Variants in CHRM3 observed in about 807,000 individuals in gnomAD.
CHRM3 encodes muscarinic acetylcholine receptor M3.
A neutral mutation model predicts 41.8 loss-of-function variants in CHRM3; 11 were observed. The observed-to-expected ratio is 0.26, with a 90% CI of 0.17 to 0.44. The LOEUF (loss-of-function observed/expected upper bound fraction) is 0.44, where lower values mean the gene tolerates loss of function less well. Among genes scored for constraint, CHRM3 ranks in the 20% least tolerant of loss-of-function variants. CHRM3 has a pLI of 1.00. For synonymous variants in CHRM3, 297 were observed against 301.4 expected (o/e 0.99, Z 0.15); for missense variants, 571 against 745.4 (o/e 0.77, Z 2.72).
intron 1 of CHRM3, among the ~76,000 whole-genome samples, chr1:239,457,704 C>G (rs140516310): frequency 6.6e-6 from 1 of 152,144 alleles, no homozygotes; most frequent in African/African-American, 2.4e-5. Context: ...CTGAGGCCAA[C>G]ACACTCATGC....
intron 4 of CHRM3, 150 bp downstream of exon 4, chr1:239,632,436 G>A (rs1669956410): frequency 6.6e-6 from 1 of 152,106 alleles, no homozygotes; most frequent in Non-Finnish European, 1.5e-5. Context: ...TCAATTTTTT[G>A]TGTCTTAATA....
chr1:239,909,291 G>A lies in CHRM3; in HGVS notation c.*67G>A. ...ACCCACAGACCTTAGGAGGAGGAAG[G>A]CGAGGGCGGGGTGACTTCTGGTGAT... is the stretch of plus-strand genomic sequence containing the variant. On this transcript the variant is annotated 3_prime_UTR_variant, in exon 7 of 7. Transcript: ENST00000676153. The A allele has an allele frequency of 6.7e-7, 1 of 1,490,828 alleles. No individual in the cohort carries two copies. The highest frequency in any genetic ancestry group is 9.0e-7 in the Non-Finnish European group (1 of 1,110,146). The allele number at this position is 1,490,828 out of a possible 1,614,324, so 92.3% of individuals were successfully genotyped here.
chr1:239,897,122 C>T (rs1049843868), intron 6 of CHRM3, among the ~76,000 whole-genome samples: 1 of 152,062 alleles, frequency 6.6e-6, no homozygotes, highest in Non-Finnish European at 1.5e-5. Flanking sequence ...ACTTCCTGGC[C>T]CTGCATGCTA....
chr1:239,483,382 A>G (rs1326287487), intron 1 of CHRM3, among the ~76,000 whole-genome samples: 1 of 152,140 alleles, frequency 6.6e-6, no homozygotes, highest in Non-Finnish European at 1.5e-5. Flanking sequence ...TTGGATTCCC[A>G]GTTTTGGTTC....
At chr1:239,400,873 C>T (rs1659911313) in intron 1 of CHRM3, among the ~76,000 whole-genome samples, 1 of 152,026 alleles carries the variant, frequency 6.6e-6, no homozygotes. Context: ...TTGTTATTAT[C>T]TTTTTTATAT....
chr1:239,721,369 C>G (rs563832278), intron 5 of CHRM3, among the ~76,000 whole-genome samples: 6 of 151,834 alleles, frequency 4.0e-5, no homozygotes, highest in African/African-American at 1.4e-4. Context: ...AATCCCGGTA[C>G]TTCAGGATGG....
In CHRM3 at chr1:239,748,524, T is replaced by G. The variant is rs1466239459; in HGVS notation, c.-147+70236T>G. Among the ~76,000 whole-genome samples the G allele has an allele frequency of 6.6e-6, 1 of 152,232 alleles. No individual in the cohort carries two copies. The highest frequency in any genetic ancestry group is 2.4e-5 in the African/African-American group (1 of 41,466). The stretch of plus-strand genomic sequence containing the variant: ...ATGCAGTGTGTTTTAGTTAATGAAG[T>G]GTCTGGACAGCTGAGTCATAAATTC... On this transcript the variant is annotated intron_variant, in intron 5 of 6. Coordinates refer to ENST00000676153, the MANE Select transcript of CHRM3 (RefSeq NM_001375978.1). The surrounding 1 kb of genome is among the most constrained non-coding windows in gnomAD (Gnocchi z 4.3).
chr1:239,536,831 C>T (rs1054067775), intron 2 of CHRM3, among the ~76,000 whole-genome samples: 10 of 152,136 alleles, frequency 6.6e-5, no homozygotes, highest in African/African-American at 9.7e-5. Flanking sequence ...TCCTAGTGGA[C>T]GGCTTAGAAG....
At chr1:239,632,692 C>G (rs993843707) in intron 4 of CHRM3, among the ~76,000 whole-genome samples, 8 of 152,102 alleles carry the variant, frequency 5.3e-5, no homozygotes, top group Admixed American at 4.6e-4. Context: ...GAATGCTGTA[C>G]AAAATATGAT....
chr1:239,589,434 T>C (rs1663823161), intron 3 of CHRM3, among the ~76,000 whole-genome samples: 1 of 151,226 alleles, frequency 6.6e-6, no homozygotes, highest in South Asian at 2.1e-4. Context: ...AAATCACATA[T>C]TAGTGCATGG....
At chr1:239,633,618 T>G (rs1407488001) in intron 4 of CHRM3, among the ~76,000 whole-genome samples, 2 of 152,140 alleles carry the variant, frequency 1.3e-5, no homozygotes, top group Non-Finnish European at 2.9e-5. Context: ...GCCAATGAGC[T>G]CTCAGTCATG....
chr1:239,711,938 C>T (rs1269059285), intron 5 of CHRM3, among the ~76,000 whole-genome samples: 1 of 152,144 alleles, frequency 6.6e-6, no homozygotes, highest in Non-Finnish European at 1.5e-5. Flanking sequence ...CAGCCCCATT[C>T]CCCTTTAGCT....
intron 4 of CHRM3, among the ~76,000 whole-genome samples, chr1:239,670,797 T>C (rs1573223843): frequency 6.6e-6 from 1 of 150,384 alleles, no homozygotes; most frequent in South Asian, 2.1e-4. Flanking sequence ...TTTCCCAAAG[T>C]GGGATAATTG....
rs192018047 is a variant in CHRM3, at chr1:239,773,407, A to G, written c.-146-53845A>G. On this transcript the variant is annotated intron_variant, in intron 5 of 6. Coordinates refer to ENST00000676153, the MANE Select transcript of CHRM3 (RefSeq NM_001375978.1). Reference sequence around the variant, plus strand: ...TATCTCAAATATGAAGAGGTCTGGAAGAAGGTAGTTGCTGCTATTGAATTA... The same window carrying G: ...TATCTCAAATATGAAGAGGTCTGGAGGAAGGTAGTTGCTGCTATTGAATTA... Among the ~76,000 whole-genome samples the G allele has an allele frequency of 1.1e-3, 166 of 152,336 alleles. 1 individual carries two copies. Among genetic ancestry groups the G allele is most frequent in the African/African-American group, 3.3e-3 (137 of 41,566 alleles).
chr1:239,792,039 G>A (rs960406952), intron 5 of CHRM3, among the ~76,000 whole-genome samples: 4 of 152,192 alleles, frequency 2.6e-5, no homozygotes, highest in East Asian at 1.9e-4. Flanking sequence ...GTCAAGCTGC[G>A]GAATTGGTTT....
At chr1:239,425,366 T>C (rs1246096678) in intron 1 of CHRM3, among the ~76,000 whole-genome samples, 2 of 152,164 alleles carry the variant, frequency 1.3e-5, no homozygotes, top group Admixed American at 1.3e-4. Flanking sequence ...CCAAGCTTTA[T>C]ATCAAGTACT....
intron 3 of CHRM3, among the ~76,000 whole-genome samples, chr1:239,559,453 G>C (rs551870384): frequency 1.1e-4 from 17 of 152,028 alleles, no homozygotes; most frequent in South Asian, 2.1e-4. Flanking sequence ...CTTCATTTCA[G>C]TCAAGAATAT....
intron 5 of CHRM3, among the ~76,000 whole-genome samples, chr1:239,710,523 A>G (rs1661662923): frequency 6.6e-6 from 1 of 152,124 alleles, no homozygotes; most frequent in Admixed American, 6.6e-5. Flanking sequence ...TGGGTATGTG[A>G]CATATGAGCA....
intron 5 of CHRM3, among the ~76,000 whole-genome samples, chr1:239,753,655 C>G (rs1572184306): frequency 6.6e-6 from 1 of 152,276 alleles, no homozygotes; most frequent in East Asian, 1.9e-4. Context: ...TGGGTGGAGA[C>G]AGAGAGCCAA....
Sources: gnomAD v4.1 joint callset for allele counts (sites outside exome capture counted in the v4.1 genomes callset) on GRCh38, gnomAD v4.1.1 for gene constraint, Gnocchi (gnomAD v3.1) non-coding constraint, MANE v1.5 for transcripts, NCBI Gene and HGNC (gene_info 2026-07-23, HGNC 2026-07-21) for gene names.